STRA6: variants seen among roughly 807,000 people sequenced by gnomAD.
The protein encoded by STRA6 is signaling receptor and transporter of retinol STRA6.
STRA6 carries 48 observed loss-of-function variants against 83.6 expected under a neutral mutation model. The observed-to-expected ratio is 0.57, with a 90% CI of 0.46 to 0.73. The LOEUF is 0.73. Ranked by LOEUF, STRA6 falls within the 30% of genes least tolerant of loss-of-function variation. The probability of loss-of-function intolerance (pLI) is 0.00; values close to 1 mark genes in which losing one functional copy is unlikely to be tolerated. For missense variants in STRA6, 760 were observed against 838.8 expected (o/e 0.91, Z 1.16); for synonymous variants, 353 against 362.3 (o/e 0.97, Z 0.29).
chr15:74,191,311 G>C (rs1278069185), intron 9 of STRA6, 68 bp from the exon 10 acceptor site: 1 of 1,610,880 alleles, frequency 6.2e-7, no homozygotes, highest in Non-Finnish European at 8.5e-7. Flanking sequence ...CAGCCCCAGA[G>C]GCTGGTCATT....
At chr15:74,201,204 C>G (rs1371345006) in intron 2 of STRA6, among the ~76,000 whole-genome samples, 2 of 152,240 alleles carry the variant, frequency 1.3e-5, no homozygotes, top group East Asian at 1.9e-4. Context: ...CCAAGCCCAG[C>G]CAGGCCGCAG....
At chr15:74,189,334 G>C (rs2073417553) in intron 11 of STRA6, 57 bp from the exon 12 acceptor site, 1 of 1,549,726 alleles carries the variant, frequency 6.5e-7, no homozygotes, top group East Asian at 2.4e-5. Flanking sequence ...TGTGCTAACA[G>C]GGGAGACGCT....
intron 10 of STRA6, 100 bp from the exon 11 acceptor site, chr15:74,191,001 A>G (rs2142031625): frequency 6.3e-7 from 1 of 1,586,472 alleles, no homozygotes; most frequent in Non-Finnish European, 8.6e-7. Flanking sequence ...GCAGGACCCT[A>G]AATGACCAAG....
chr15:74,194,044 G>T (rs2073687920), intron 7 of STRA6, 122 bp from the exon 8 acceptor site: 1 of 1,494,970 alleles, frequency 6.7e-7, no homozygotes, highest in Non-Finnish European at 9.2e-7. Flanking sequence ...CCATGGGAAG[G>T]CTTCAGCTCT....
At chr15:74,194,016 T>C in intron 7 of STRA6, 94 bp from the exon 8 acceptor site, 1 of 1,561,218 alleles carries the variant, frequency 6.4e-7, no homozygotes, top group Non-Finnish European at 8.8e-7. Context: ...CACTGGGCCC[T>C]GAGGGTGGTC....
intron 1 of STRA6, chr15:74,207,967 C>T: frequency 7.0e-7 from 1 of 1,432,120 alleles, no homozygotes; most frequent in Non-Finnish European, 9.1e-7. Context: ...TCCTACCTCC[C>T]CTGCCATGTG....
chr15:74,183,652 C>T, intron 14 of STRA6: 3 of 1,467,690 alleles, frequency 2.0e-6, no homozygotes, highest in Non-Finnish European at 2.7e-6. Flanking sequence ...CACTCAATTT[C>T]CCGAGGGCTC....
chr15:74,211,416 T>G (rs2074367190), upstream of STRA6, among the ~76,000 whole-genome samples: 1 of 148,902 alleles, frequency 6.7e-6, no homozygotes, highest in Non-Finnish European at 1.5e-5. Context: ...TTTTTTTTTT[T>G]TGAGATGGAG....
At chr15:74,196,256 T>A in intron 4 of STRA6, 109 bp from the exon 5 acceptor site, 1 of 1,483,224 alleles carries the variant, frequency 6.7e-7, no homozygotes. Context: ...TCCCACTTTC[T>A]AGATGGGGGA....
upstream of STRA6, chr15:74,209,277 C>G: frequency 7.7e-7 from 1 of 1,295,088 alleles, no homozygotes. Flanking sequence ...AGAGTCACCT[C>G]AGTGGAGAAG....
chr15:74,197,498 C>G (rs2073873702), intron 3 of STRA6, 75 bp from the exon 4 acceptor site: 1 of 1,314,540 alleles, frequency 7.6e-7, no homozygotes, highest in Admixed American at 2.0e-5. Context: ...GGCTTGGACT[C>G]AGGCCCCAGG....
intron 1 of STRA6, chr15:74,207,974 T>C (rs2074300813): frequency 7.0e-7 from 1 of 1,426,156 alleles, no homozygotes; most frequent in Non-Finnish European, 9.2e-7. Context: ...TCCCCTGCCA[T>C]GTGGGAGGGT....
Position 74,181,607 on chromosome 15 carries a change from G to C in STRA6, c.1521-149C>G. The C allele has an allele frequency of 2.6e-6, 3 of 1,135,208 alleles. No homozygotes were observed. In the East Asian group the frequency reaches 7.7e-5, roughly 29 times the overall value. 70.3% of individuals were successfully genotyped at this position (1,135,208 alleles called of 1,614,324 possible). ...CTTCTGTGCACCCCACCCTGGGCAAGGCCTTCTCTCTTTCAACCCACCATG... is the reference window on the plus strand; with the variant it reads ...CTTCTGTGCACCCCACCCTGGGCAACGCCTTCTCTCTTTCAACCCACCATG... On this transcript the variant is annotated intron_variant, in intron 16 of 18. Transcript: ENST00000395105.
Position 74,193,679 on chromosome 15 carries a change from G to A in STRA6, c.720+121C>T, listed in dbSNP as rs2073661496. Reference sequence around the variant, plus strand: ...AGCAGTCACTCAGCAAACATTTTCTGAGCATCTATTCTGTGCTGGGCCCTA... The same window carrying A: ...AGCAGTCACTCAGCAAACATTTTCTAAGCATCTATTCTGTGCTGGGCCCTA... On this transcript the variant is annotated intron_variant, in intron 8 of 18. Transcript: ENST00000395105. 6 of 1,522,080 alleles carry A rather than the reference G, an allele frequency of 3.9e-6. No homozygotes were observed. The Admixed American group carries it at 5.1e-5, about 13-fold the overall frequency. The allele number at this position is 1,522,080 out of a possible 1,614,324, so 94.3% of individuals were successfully genotyped here. A position where few individuals can be genotyped will look rare whatever the true frequency, so the allele number is the denominator to read the frequency against.
Position 74,187,441 on chromosome 15 carries a change from T to C in STRA6, c.1090+1674A>G, listed in dbSNP as rs543048485. On this transcript the variant is annotated intron_variant, in intron 12 of 18. Transcript: ENST00000395105. The stretch of plus-strand genomic sequence containing the variant: ...AGCACTCATTTTGCAGTTGGGGAAA[T>C]TGAGGTCAGGAGAGGTAATGCACTT... Among the ~76,000 whole-genome samples, 17 of 152,132 alleles carry C rather than the reference T, an allele frequency of 1.1e-4. No individual in the cohort carries two copies. The South Asian group carries it at 2.7e-3, about 24-fold the overall frequency.
intron 7 of STRA6, chr15:74,194,951 C>T: frequency 7.0e-7 from 1 of 1,428,650 alleles, no homozygotes; most frequent in Non-Finnish European, 9.1e-7. Context: ...TCAAGCTTCA[C>T]TCCCATTCCC....
At chr15:74,190,748 C>T in intron 11 of STRA6, 92 bp downstream of exon 11, 1 of 1,594,488 alleles carries the variant, frequency 6.3e-7, no homozygotes, top group Admixed American at 1.7e-5. Context: ...GATGGAGCAC[C>T]TGGAGAGCTG....
chr15:74,183,391 G>A (rs896249769), intron 14 of STRA6: 34 of 456,112 alleles, frequency 7.5e-5, no homozygotes, highest in African/African-American at 6.9e-4. Context: ...AACTGCAGGT[G>A]CACACCACCA....
At chr15:74,196,394 C>T (rs2073825643) in intron 4 of STRA6, 1 of 559,702 alleles carries the variant, frequency 1.8e-6, no homozygotes. Context: ...GACTGCTCCT[C>T]CGCCCACCCT....
Sources: gnomAD v4.1 joint callset for allele counts (sites outside exome capture counted in the v4.1 genomes callset) on GRCh38, gnomAD v4.1.1 for gene constraint, MANE v1.5 for transcripts, NCBI Gene and HGNC (gene_info 2026-07-23, HGNC 2026-07-21) for gene names.